The following SS18 variants were observed in gnomAD, a reference collection of about 807,000 sequenced individuals.
The protein encoded by SS18 is protein SSXT.
A neutral mutation model predicts 72.5 loss-of-function variants in SS18; 28 were observed. The ratio of observed to expected loss-of-function variants is 0.39; its 90% CI spans 0.29 to 0.53. The LOEUF is 0.53. SS18 is among the 20% of genes least tolerant of loss of function. The pLI is 0.76. For missense variants in SS18, 518 were observed against 535.3 expected (o/e 0.97, Z 0.32); for synonymous variants, 172 against 164.2 (o/e 1.05, Z -0.37).
chr18:26,090,919 GAGA>G (rs1224715946), upstream of SS18: 7 of 359,038 alleles, frequency 1.9e-5, no homozygotes, highest in South Asian at 6.9e-5. Context: ...GCCGCCGCGG[GAGA>G]AGGAGAGGCT....
rs1480807235 is a variant in SS18 at position 26,038,599 on chromosome 18, C to G, written c.836G>C (p.Gly279Ala). ...DYYGDQYSHG[G>A]QGPPEGMNQQ... ...GTTCATGCCTTCTGGAGGACCTTGT[C>G]CACCATGACTGTATTGGTCCCCGTA... Residue 279 changes from glycine (G) to alanine (A), a missense_variant, in exon 7 of 11, where the codon GGA (glycine) becomes GCA (alanine). Transcript: ENST00000415083. The G allele has an allele frequency of 3.1e-6, 5 of 1,613,568 alleles. No homozygotes were observed. The South Asian group carries it at 5.5e-5, about 18-fold the overall frequency.
intron 5 of SS18, among the ~76,000 whole-genome samples, chr18:26,050,047 G>C (rs1235461315): frequency 1.3e-5 from 2 of 152,202 alleles, no homozygotes; most frequent in Non-Finnish European, 2.9e-5. Flanking sequence ...AGGAGTTCAA[G>C]ACCAACCTGG....
At chr18:26,052,411 T>C (rs1404923328) in intron 5 of SS18, among the ~76,000 whole-genome samples, 1 of 152,098 alleles carries the variant, frequency 6.6e-6, no homozygotes, top group Non-Finnish European at 1.5e-5. Context: ...AAACAAACTG[T>C]CCAAAAGACA....
rs117905189 is a variant in SS18, at chr18:26,068,265, T to C, written c.231+9811A>G. 15 of 152,270 alleles carry C rather than the reference T, an allele frequency of 9.9e-5. No homozygotes were observed. The East Asian group carries it at 2.7e-3, about 27-fold the overall frequency. 9.4% of individuals were successfully genotyped at this position (152,270 alleles called of 1,614,324 possible). On this transcript the variant is annotated intron_variant, in intron 3 of 10. Coordinates refer to ENST00000415083, the MANE Select transcript of SS18 (RefSeq NM_001007559.3). ...TTAAATGAGAATATAGATGCTTTCT[T>C]TTTTTTACTGTAATTAAAAAACAAG...
At chr18:26,081,114 A>AAT (rs71169811) in intron 2 of SS18, 13 of 147,278 alleles carry the variant, frequency 8.8e-5, no homozygotes, top group African/African-American at 3.4e-4. Flanking sequence ...AAAAAAAAAA[A>AAT]TTTTAATTGG....
At chr18:26,020,219 G>T (rs943535444) in intron 10 of SS18, among the ~76,000 whole-genome samples, 1 of 152,038 alleles carries the variant, frequency 6.6e-6, no homozygotes, top group Non-Finnish European at 1.5e-5. Context: ...TGTGAGACTC[G>T]GTTTCTTCAA....
intron 5 of SS18, among the ~76,000 whole-genome samples, chr18:26,044,543 CA>C (rs1220790670): frequency 1.3e-5 from 2 of 151,750 alleles, no homozygotes; most frequent in Non-Finnish European, 2.9e-5. Context: ...AGGTTGGTCT[CA>C]AACTCCTGAC....
chr18:26,065,802 T>TATATATATATATATATA lies in SS18; in HGVS notation c.232-8077_232-8061dup, dbSNP rs1216017155. On this transcript the variant is annotated intron_variant, in intron 3 of 10. Transcript: ENST00000415083. ...TATATAAAGAATGCCTACAAATCCA[T>TATATATATATATATATA]ATATATATATATATATATATATGAT... Among the ~76,000 whole-genome samples the TATATATATATATATATA allele has an allele frequency of 1.9e-3, 208 of 106,930 alleles. 13 individuals are homozygous for TATATATATATATATATA. The highest frequency in any genetic ancestry group is 7.4e-3 in the African/African-American group (186 of 25,020). 70.2% of individuals were successfully genotyped at this position (106,930 alleles called of 152,430 possible). A position where few individuals can be genotyped will look rare whatever the true frequency, so the allele number is the denominator to read the frequency against.
intron 2 of SS18, chr18:26,085,908 T>A (rs1376255034): frequency 6.6e-6 from 1 of 152,182 alleles, no homozygotes; most frequent in East Asian, 1.9e-4. Flanking sequence ...GTGGGAATTA[T>A]CTGCCTGAGG....
rs545406585 is a variant in SS18 at position 26,035,238 on chromosome 18, G to C, written c.974-111C>G. On this transcript the variant is annotated intron_variant, in intron 8 of 10. Coordinates refer to ENST00000415083, the MANE Select transcript of SS18 (RefSeq NM_001007559.3). This position sits in a 1 kb window ranked among gnomAD's most constrained non-coding sequence, Gnocchi z 4.4. The stretch of plus-strand genomic sequence containing the variant: ...CAAGAACAAAATGAAATGCCATATT[G>C]ATTTTTAGAAGTTAACAAAACAAAG... 2.4e-6 allele frequency: 3 copies of C among 1,260,350 alleles called. No individual in the cohort carries two copies. Among genetic ancestry groups the C allele is most frequent in the Non-Finnish European group, 3.2e-6 (3 of 926,194 alleles). 78.1% of individuals were successfully genotyped at this position (1,260,350 alleles called of 1,614,324 possible). A position where few individuals can be genotyped will look rare whatever the true frequency, so the allele number is the denominator to read the frequency against.
chr18:26,058,126 T>C (rs948876668), intron 3 of SS18, among the ~76,000 whole-genome samples: 1 of 152,150 alleles, frequency 6.6e-6, no homozygotes, highest in African/African-American at 2.4e-5. Flanking sequence ...TAACAAAAAA[T>C]GATGAAAGGA....
chr18:26,090,451 T>C (rs2144214041), intron 1 of SS18, 50 bp downstream of exon 1: 1 of 1,531,556 alleles, frequency 6.5e-7, no homozygotes, highest in South Asian at 1.2e-5. Flanking sequence ...CGCGTCTGTC[T>C]CTCCCAGAGG....
intron 3 of SS18, among the ~76,000 whole-genome samples, chr18:26,063,706 G>T (rs1306955518): frequency 3.3e-5 from 5 of 152,088 alleles, no homozygotes; most frequent in African/African-American, 1.2e-4. Context: ...AAGAAGGAAA[G>T]TTGAAAAATA....
At chr18:26,055,758 T>G (rs1426638593) in intron 4 of SS18, among the ~76,000 whole-genome samples, 3 of 145,876 alleles carry the variant, frequency 2.1e-5, no homozygotes, top group African/African-American at 2.7e-5. Context: ...TCTGTTTTTT[T>G]TTTTTTTGTT....
intron 3 of SS18, among the ~76,000 whole-genome samples, chr18:26,059,404 C>G (rs750971857): frequency 1.2e-4 from 18 of 152,116 alleles, no homozygotes; most frequent in Non-Finnish European, 2.5e-4. Flanking sequence ...TATCAAAGAG[C>G]TGGAAACTAA....
Position 26,017,586 on chromosome 18 carries a change from A to C in SS18, c.*768T>G, listed in dbSNP as rs2053270045. ...AGCCTCCTCAGATCCAACACAAAGT[A>C]ATTCTTATTGCCTCACATTTTAAAA... is the stretch of plus-strand genomic sequence containing the variant. On this transcript the variant is annotated 3_prime_UTR_variant, in exon 11 of 11. Transcript: ENST00000415083. 4.9e-6 allele frequency: 1 copy of C among 202,786 alleles called. No homozygotes were observed. Among genetic ancestry groups the C allele is most frequent in the Admixed American group, 6.0e-5 (1 of 16,694 alleles). 12.6% of individuals were successfully genotyped at this position (202,786 alleles called of 1,614,324 possible).
chr18:26,090,435 T>C (rs545842654), intron 1 of SS18, 66 bp downstream of exon 1: 4 of 1,498,348 alleles, frequency 2.7e-6, no homozygotes, highest in African/African-American at 1.4e-5. Flanking sequence ...GCCCGGCCCT[T>C]CCCCCCGCGT....
chr18:26,023,711 C>T (rs923687876), intron 10 of SS18: 4 of 500,616 alleles, frequency 8.0e-6, no homozygotes, highest in African/African-American at 7.7e-5. Context: ...TGATTATTAC[C>T]AGTACACCTG....
chr18:26,056,606 T>G (rs1282620121), intron 4 of SS18, among the ~76,000 whole-genome samples: 1 of 151,862 alleles, frequency 6.6e-6, no homozygotes, highest in Non-Finnish European at 1.5e-5. Flanking sequence ...GTTTCCTTAC[T>G]GCACCCATCA....
Sources: gnomAD v4.1 joint callset for allele counts (sites outside exome capture counted in the v4.1 genomes callset) on GRCh38, gnomAD v4.1.1 for gene constraint, Gnocchi (gnomAD v3.1) non-coding constraint, MANE v1.5 for transcripts, NCBI Gene and HGNC (gene_info 2026-07-23, HGNC 2026-07-21) for gene names.